Variants in RPS6KC1 observed in about 807,000 individuals in gnomAD.
The protein encoded by RPS6KC1 is inactive ribosomal protein S6 kinase delta-1.
A neutral mutation model predicts 103.8 loss-of-function variants in RPS6KC1; 54 were observed. The ratio of observed to expected loss-of-function variants is 0.52; its 90% CI spans 0.42 to 0.65. RPS6KC1 has a LOEUF of 0.65. Among genes scored for constraint, RPS6KC1 ranks in the 30% least tolerant of loss-of-function variants. The pLI is 0.00. For synonymous variants in RPS6KC1, 439 were observed against 438.7 expected, an observed-to-expected ratio of 1.00 and a Z score of -0.01; for missense variants, 1,151 against 1,253.8, an observed-to-expected ratio of 0.92 and a Z score of 1.24.
chr1:213,486,039 T>G, the RPS6KC1 span, among the ~76,000 whole-genome samples: 2 of 152,160 alleles, frequency 1.3e-5, no homozygotes, highest in Admixed American at 6.5e-5. Context: ...CATGAAGTAA[T>G]CATCAGCTTG....
At chr1:213,454,195 C>T in the RPS6KC1 span, among the ~76,000 whole-genome samples, 1 of 152,040 alleles carries the variant, frequency 6.6e-6, no homozygotes, top group Admixed American at 6.5e-5. Context: ...TCAACTCTAT[C>T]TTAGAGTCCT....
At chr1:213,158,519 T>G (rs2090143373) in intron 6 of RPS6KC1, among the ~76,000 whole-genome samples, 2 of 152,222 alleles carry the variant, frequency 1.3e-5, no homozygotes, top group African/African-American at 4.8e-5. Flanking sequence ...CAGATACCCA[T>G]AACATATCAC....
intron 6 of RPS6KC1, among the ~76,000 whole-genome samples, chr1:213,160,692 C>T (rs1008540579): frequency 1.5e-4 from 23 of 151,688 alleles, no homozygotes; most frequent in African/African-American, 5.3e-4. Context: ...GAGTTCATGT[C>T]CTTTGTAGGG....
the RPS6KC1 span, among the ~76,000 whole-genome samples, chr1:213,722,741 C>T: frequency 6.6e-6 from 1 of 152,142 alleles, no homozygotes; most frequent in East Asian, 1.9e-4. Flanking sequence ...GTCTGTCCTG[C>T]CTGCCCAGAG....
chr1:213,166,625 C>A (rs1030818802), intron 6 of RPS6KC1, among the ~76,000 whole-genome samples: 4 of 152,050 alleles, frequency 2.6e-5, no homozygotes, highest in African/African-American at 4.8e-5. Flanking sequence ...ATTTTCCCCC[C>A]ACCAAGACCA....
At chr1:213,085,998 C>T (rs1426606761) in intron 3 of RPS6KC1, among the ~76,000 whole-genome samples, 3 of 151,938 alleles carry the variant, frequency 2.0e-5, no homozygotes, top group African/African-American at 7.3e-5. Flanking sequence ...TTATTCTGCT[C>T]CTGCCCTGAA....
At chr1:213,493,661 T>C in the RPS6KC1 span, among the ~76,000 whole-genome samples, 6 of 152,310 alleles carry the variant, frequency 3.9e-5, no homozygotes, top group East Asian at 9.6e-4. Context: ...GTTGATATCT[T>C]CTCTTCTCCT....
the RPS6KC1 span, among the ~76,000 whole-genome samples, chr1:213,672,940 C>T: frequency 6.6e-6 from 1 of 152,166 alleles, no homozygotes; most frequent in East Asian, 1.9e-4. Context: ...ACCCAAGTGC[C>T]TCCAGTTGTA....
At chr1:213,661,616 ACT>A in the RPS6KC1 span, among the ~76,000 whole-genome samples, 1 of 152,190 alleles carries the variant, frequency 6.6e-6, no homozygotes, top group Admixed American at 6.5e-5. Context: ...GCACACGATA[ACT>A]CAAGTACATG....
the RPS6KC1 span, among the ~76,000 whole-genome samples, chr1:213,613,066 C>T: frequency 2.6e-5 from 4 of 152,178 alleles, no homozygotes; most frequent in Non-Finnish European, 5.9e-5. Context: ...CTGACTCTCT[C>T]CCAACTCCCT....
the RPS6KC1 span, among the ~76,000 whole-genome samples, chr1:213,637,518 A>C: frequency 6.6e-6 from 1 of 152,162 alleles, no homozygotes; most frequent in African/African-American, 2.4e-5. Flanking sequence ...ATACCTATGT[A>C]ACAGGCCTGC....
chr1:213,807,937 T>C, the RPS6KC1 span, among the ~76,000 whole-genome samples: 1 of 152,204 alleles, frequency 6.6e-6, no homozygotes, highest in Non-Finnish European at 1.5e-5. Context: ...ATGATGGTGA[T>C]GTACAGATGG....
At chr1:213,840,990 C>T in the RPS6KC1 span, 1 of 152,198 alleles carries the variant, frequency 6.6e-6, no homozygotes, top group Non-Finnish European at 1.5e-5. Flanking sequence ...CTACTGTTTT[C>T]TAAGTAAAGA....
intron 7 of RPS6KC1, among the ~76,000 whole-genome samples, chr1:213,172,137 C>A (rs1011619818): frequency 3.9e-5 from 6 of 152,144 alleles, no homozygotes; most frequent in African/African-American, 1.4e-4. Flanking sequence ...TCAGTATCTT[C>A]TTTTTAACAA....
At chr1:213,537,561 CA>C in the RPS6KC1 span, among the ~76,000 whole-genome samples, 1 of 152,170 alleles carries the variant, frequency 6.6e-6, no homozygotes, top group Non-Finnish European at 1.5e-5. Context: ...CTGCTTGACA[CA>C]GAAGCCTTTA....
At chr1:213,059,000 G>A (rs950549953) in intron 1 of RPS6KC1, among the ~76,000 whole-genome samples, 8 of 152,056 alleles carry the variant, frequency 5.3e-5, no homozygotes, top group Admixed American at 2.0e-4. Context: ...CCACTATTTC[G>A]TATTTTTGTA....
At chr1:213,206,222 A>G (rs973936750) in intron 8 of RPS6KC1, among the ~76,000 whole-genome samples, 1 of 152,216 alleles carries the variant, frequency 6.6e-6, no homozygotes, top group Non-Finnish European at 1.5e-5. Context: ...TAAAAGGACT[A>G]GTTTCCTTTT....
chr1:213,805,679 T>C, the RPS6KC1 span, among the ~76,000 whole-genome samples: 1 of 152,200 alleles, frequency 6.6e-6, no homozygotes, highest in Non-Finnish European at 1.5e-5. Context: ...TCTTCCAAAC[T>C]CCTGTTAAGG....
the RPS6KC1 span, among the ~76,000 whole-genome samples, chr1:213,695,396 AGGAGTGGT>A: frequency 6.6e-6 from 1 of 152,214 alleles, no homozygotes; most frequent in Non-Finnish European, 1.5e-5. Context: ...AAGTCACTGG[AGGAGTGGT>A]GGAGAGGTGG....
Sources: allele counts gnomAD v4.1 joint callset (sites outside exome capture counted in the v4.1 genomes callset), GRCh38; gene constraint gnomAD v4.1.1; transcripts MANE v1.5; gene names NCBI Gene and HGNC (gene_info 2026-07-23, HGNC 2026-07-21).